Variants in PCDH15 observed in about 807,000 individuals in gnomAD.
PCDH15 encodes protocadherin-15.
Under a neutral mutation model 178.5 loss-of-function variants are expected in PCDH15, and 129 were observed. The ratio of observed to expected loss-of-function variants is 0.72; its 90% CI spans 0.63 to 0.84. The LOEUF is 0.84. Among genes scored for constraint, PCDH15 ranks in the 40% least tolerant of loss-of-function variants. PCDH15 has a pLI of 0.00. For missense variants in PCDH15, 2,230 were observed against 2,099.9 expected (o/e 1.06, Z -1.21); for synonymous variants, 800 against 732.0 (o/e 1.09, Z -1.50).
chr10:54,305,929 T>G (rs1014305722), intron 8 of PCDH15, among the ~76,000 whole-genome samples: 2 of 151,962 alleles, frequency 1.3e-5, no homozygotes, highest in African/African-American at 4.8e-5. Flanking sequence ...AGAGAGGTAG[T>G]AGAAGCAGAT....
chr10:54,214,382 A>C (rs938612416), intron 9 of PCDH15, among the ~76,000 whole-genome samples: 5 of 152,168 alleles, frequency 3.3e-5, no homozygotes, highest in African/African-American at 4.8e-5. Flanking sequence ...TTAATGGTGC[A>C]TAAATCTTAA....
At chr10:55,405,720 C>T (rs1042046695) in intron 2 of PCDH15, among the ~76,000 whole-genome samples, 1 of 151,654 alleles carries the variant, frequency 6.6e-6, no homozygotes, top group Non-Finnish European at 1.5e-5. Flanking sequence ...GTACATCTAC[C>T]ATAAAAGTAT....
At chr10:54,600,106 G>C in intron 2 of PCDH15, 4 of 972,560 alleles carry the variant, frequency 4.1e-6, no homozygotes, top group Non-Finnish European at 4.8e-6. Context: ...GAAAAAGGAA[G>C]AGAAACCAAT....
rs187980580 is a variant in PCDH15, at chr10:54,424,818, T to A, written c.158-45876A>T. 1.7e-3 allele frequency among the ~76,000 whole-genome samples: 223 copies of A among 130,476 alleles called. 2 individuals carry two copies. Among genetic ancestry groups the A allele is most frequent in the Non-Finnish European group, 2.7e-3 (177 of 64,812 alleles). The allele number at this position is 130,476 out of a possible 152,430, so 85.6% of individuals were successfully genotyped here. On this transcript the variant is annotated intron_variant, in intron 3 of 37. Transcript: ENST00000644397. ...GGTGGGAATTGAACAATGAGAACAC[T>A]TGGACACAGGAAGGGGAACATCACA...
intron 2 of PCDH15, among the ~76,000 whole-genome samples, chr10:55,330,624 C>G (rs939349612): frequency 5.9e-5 from 9 of 151,810 alleles, no homozygotes; most frequent in Non-Finnish European, 1.0e-4. Flanking sequence ...TTTTACATGA[C>G]AGGTTTACAA....
At chr10:54,927,620 G>A (rs866525246) in intron 2 of PCDH15, among the ~76,000 whole-genome samples, 15 of 152,112 alleles carry the variant, frequency 9.9e-5, no homozygotes, top group Admixed American at 2.6e-4. Flanking sequence ...TAGTGCTCCT[G>A]TATTGGGTAC....
intron 3 of PCDH15, among the ~76,000 whole-genome samples, chr10:54,399,922 A>G (rs190456692): frequency 3.3e-5 from 5 of 152,258 alleles, no homozygotes; most frequent in African/African-American, 4.8e-5. Context: ...TAGAGAGTAC[A>G]GCAATGCACC....
chr10:55,255,930 C>T (rs936275662), intron 1 of PCDH15, among the ~76,000 whole-genome samples: 2 of 152,142 alleles, frequency 1.3e-5, no homozygotes, highest in African/African-American at 4.8e-5. Flanking sequence ...GTTTCTTTTG[C>T]TGTGCAGAAG....
intron 25 of PCDH15, chr10:53,907,129 C>A (rs909347645): frequency 1.3e-5 from 2 of 152,094 alleles, no homozygotes; most frequent in Non-Finnish European, 1.5e-5. Context: ...CATCAATTTC[C>A]TTGGCTCACG....
intron 3 of PCDH15, among the ~76,000 whole-genome samples, chr10:54,817,763 C>T (rs1952972266): frequency 6.6e-6 from 1 of 152,166 alleles, no homozygotes; most frequent in Admixed American, 6.6e-5. Flanking sequence ...TCTTTTCATA[C>T]ATGTCAATGC....
chr10:55,074,570 G>A (rs11004728), intron 2 of PCDH15, among the ~76,000 whole-genome samples: 42 of 151,812 alleles, frequency 2.8e-4, no homozygotes, highest in African/African-American at 9.2e-4. Flanking sequence ...GTTTATGGGG[G>A]TTTTTTTGTA....
At chr10:54,751,480 C>G (rs973001123) in intron 1 of PCDH15, among the ~76,000 whole-genome samples, 3 of 152,112 alleles carry the variant, frequency 2.0e-5, no homozygotes, top group African/African-American at 7.2e-5. Context: ...TTCAAATACT[C>G]AAGAGTAATC....
chr10:53,808,191 A>G (rs2075726706), intron 37 of PCDH15: 1 of 155,178 alleles, frequency 6.4e-6, no homozygotes, highest in East Asian at 1.9e-4. Context: ...GAACATGTTC[A>G]TGATAGTTTT....
intron 25 of PCDH15, among the ~76,000 whole-genome samples, chr10:53,921,515 G>T (rs2083995119): frequency 6.6e-6 from 1 of 151,572 alleles, no homozygotes; most frequent in Admixed American, 6.6e-5. Flanking sequence ...GCCAACTATT[G>T]TACTCTTCAC....
intron 2 of PCDH15, among the ~76,000 whole-genome samples, chr10:54,970,594 G>GAAAT (rs1838906858): frequency 7.1e-6 from 1 of 140,110 alleles, no homozygotes; most frequent in South Asian, 2.4e-4. Context: ...CTTTGGTTTG[G>GAAAT]AAATATTAAA....
At chr10:55,532,095 T>C (rs1841467797) in intron 2 of PCDH15, among the ~76,000 whole-genome samples, 1 of 152,014 alleles carries the variant, frequency 6.6e-6, no homozygotes, top group Admixed American at 6.6e-5. Flanking sequence ...TAGCTATTTA[T>C]AATTTTCTAA....
At chr10:53,831,605 T>C (rs1588990168) in intron 29 of PCDH15, 72 bp from the exon 30 acceptor site, 2 of 1,123,640 alleles carry the variant, frequency 1.8e-6, no homozygotes, top group South Asian at 2.8e-5. Flanking sequence ...AAAATCTTTT[T>C]GTAAGATCTT....
intron 2 of PCDH15, among the ~76,000 whole-genome samples, chr10:55,350,784 T>G (rs1844906101): frequency 6.6e-6 from 1 of 152,074 alleles, no homozygotes; most frequent in South Asian, 2.1e-4. Flanking sequence ...ATCTGAATGT[T>G]TTATTTTTCT....
intron 2 of PCDH15, among the ~76,000 whole-genome samples, chr10:54,584,007 A>T (rs943766573): frequency 6.6e-6 from 1 of 152,276 alleles, no homozygotes; most frequent in East Asian, 1.9e-4. Context: ...ATTAATAAAA[A>T]CAATAAAGAT....
Sources: allele counts gnomAD v4.1 joint callset (sites outside exome capture counted in the v4.1 genomes callset), GRCh38; gene constraint gnomAD v4.1.1; transcripts MANE v1.5; gene names NCBI Gene and HGNC (gene_info 2026-07-23, HGNC 2026-07-21).